The following FRK variants were observed in gnomAD, a reference collection of about 807,000 sequenced individuals.
FRK encodes the protein fyn related Src family tyrosine kinase, also known as tyrosine-protein kinase FRK.
Under a neutral mutation model 56.4 loss-of-function variants are expected in FRK, and 51 were observed. The ratio of observed to expected loss-of-function variants is 0.90; its 90% CI spans 0.72 to 1.14. The LOEUF (loss-of-function observed/expected upper bound fraction) is 1.14, where lower values mean the gene tolerates loss of function less well. FRK is among the 50% of genes most tolerant of loss of function. The probability of loss-of-function intolerance (pLI) is 0.00; values close to 1 mark genes in which losing one functional copy is unlikely to be tolerated. For synonymous variants in FRK, 245 were observed against 217.9 expected (o/e 1.12, Z -1.10); for missense variants, 570 against 601.4 (o/e 0.95, Z 0.55).
At chr6:116,063,147 T>TC (rs989798599), upstream of FRK, among the ~76,000 whole-genome samples, 17 of 152,304 alleles carry the variant, frequency 1.1e-4, no homozygotes, top group African/African-American at 3.8e-4. Flanking sequence ...TGGAAAGCTT[T>TC]CTATGTGCCA....
chr6:116,075,189 T>G, the FRK span, among the ~76,000 whole-genome samples: 6 of 152,166 alleles, frequency 3.9e-5, no homozygotes, highest in African/African-American at 1.4e-4. Flanking sequence ...CATGAACAGA[T>G]TCTATGCTAG....
At chr6:116,025,439 T>C (rs1322805630) in intron 1 of FRK, among the ~76,000 whole-genome samples, 3 of 152,214 alleles carry the variant, frequency 2.0e-5, no homozygotes, top group Admixed American at 1.3e-4. Flanking sequence ...TTAAAATCTA[T>C]ATATGGAATC....
At chr6:115,970,516 A>G (rs997911351) in intron 2 of FRK, among the ~76,000 whole-genome samples, 1 of 152,362 alleles carries the variant, frequency 6.6e-6, no homozygotes, top group Non-Finnish European at 1.5e-5. Context: ...CATCTAGTGG[A>G]ATGCAAATTT....
At chr6:116,092,866 G>C in the FRK span, among the ~76,000 whole-genome samples, 51 of 152,266 alleles carry the variant, frequency 3.3e-4, no homozygotes, top group African/African-American at 1.2e-3. Flanking sequence ...TCCTTGAAAT[G>C]CATCCTAAGC....
At chr6:115,984,023 A>C (rs1739692817) in intron 2 of FRK, among the ~76,000 whole-genome samples, 1 of 152,156 alleles carries the variant, frequency 6.6e-6, no homozygotes, top group African/African-American at 2.4e-5. Context: ...CTGTTAAGGT[A>C]GAATATCATT....
chr6:115,949,289 T>C (rs1772606388), intron 5 of FRK, among the ~76,000 whole-genome samples: 1 of 152,192 alleles, frequency 6.6e-6, no homozygotes, highest in Non-Finnish European at 1.5e-5. Context: ...TTCTCTTGCC[T>C]GATTGTCCTG....
chr6:116,036,582 C>G (rs1304534877), intron 1 of FRK, among the ~76,000 whole-genome samples: 1 of 152,008 alleles, frequency 6.6e-6, no homozygotes, highest in Non-Finnish European at 1.5e-5. Context: ...AATGGTAAAA[C>G]AAAATCCTTT....
chr6:115,971,002 T>C (rs1299984428), intron 2 of FRK, among the ~76,000 whole-genome samples: 1 of 152,184 alleles, frequency 6.6e-6, no homozygotes, highest in African/African-American at 2.4e-5. Flanking sequence ...AACCTTATTC[T>C]GTTTCTTAAC....
At chr6:115,945,070 T>C (rs1225239514) in intron 5 of FRK, among the ~76,000 whole-genome samples, 2 of 152,228 alleles carry the variant, frequency 1.3e-5, no homozygotes, top group Non-Finnish European at 2.9e-5. Context: ...TGCATAGTAT[T>C]CCATGGTGTA....
Position 115,943,078 on chromosome 6 carries a change from T to C in FRK, c.1248A>G (p.Val416=). 1.2e-6 allele frequency: 2 copies of C among 1,613,476 alleles called. No individual in the cohort carries two copies. The highest frequency in any genetic ancestry group is 8.5e-7 in the Non-Finnish European group (1 of 1,179,680). The change falls in exon 7 of 8, where the codon GTA becomes GTG. Residue 416 remains valine (V), a synonymous_variant. Coordinates refer to ENST00000606080, the MANE Select transcript of FRK (RefSeq NM_002031.3). ...CATAAAGAAGGATTCCAAATGACCA[T>C]ACATCGGACTTAATGCTGAATTTAT... ...RSNKFSIKSD[V]WSFGILLYEI...
Position 116,060,264 on chromosome 6 carries a change from G to T in FRK, c.48C>A (p.Leu16=). 1 of 1,614,142 alleles carries T rather than the reference G, an allele frequency of 6.2e-7. No homozygotes were observed. The highest frequency in any genetic ancestry group is 8.5e-7 in the Non-Finnish European group (1 of 1,180,014). Residue 16 remains leucine, a synonymous_variant, in exon 1 of 8, where the codon CTC becomes CTA. Coordinates refer to ENST00000606080, the MANE Select transcript of FRK (RefSeq NM_002031.3). The stretch of plus-strand genomic sequence containing the variant: ...TGTCTGCCTCCGTGGACAAACAGGG[G>T]AGATAGGGTTCTAGGTACTCCCAGA... The part of the protein sequence containing the change: ...QRLWEYLEPY[L]PCLSTEADKS...
intron 5 of FRK, among the ~76,000 whole-genome samples, chr6:115,954,040 TA>T (rs1199754574): frequency 1.3e-5 from 2 of 152,188 alleles, no homozygotes; most frequent in Admixed American, 6.5e-5. Flanking sequence ...GATTAAATTT[TA>T]AAATTCAGAG....
At chr6:115,957,563 A>T (rs1255724563) in intron 4 of FRK, among the ~76,000 whole-genome samples, 3 of 152,240 alleles carry the variant, frequency 2.0e-5, no homozygotes, top group African/African-American at 7.2e-5. Flanking sequence ...CATCCTCTCG[A>T]TGTTGAAGAC....
chr6:116,061,829 G>A (rs1405047898), upstream of FRK, among the ~76,000 whole-genome samples: 1 of 151,890 alleles, frequency 6.6e-6, no homozygotes, highest in Non-Finnish European at 1.5e-5. Flanking sequence ...TAAATGTTGT[G>A]AGACCCTTGA....
chr6:116,035,404 C>A (rs1488162246), intron 1 of FRK, among the ~76,000 whole-genome samples: 1 of 151,944 alleles, frequency 6.6e-6, no homozygotes, highest in Non-Finnish European at 1.5e-5. Context: ...AAGGATCATC[C>A]ACATTATAAC....
At chr6:116,062,627 G>A (rs1777665101), upstream of FRK, among the ~76,000 whole-genome samples, 1 of 152,132 alleles carries the variant, frequency 6.6e-6, no homozygotes, top group South Asian at 2.1e-4. Flanking sequence ...AAAAGACAAA[G>A]CAGCAGACCT....
intron 1 of FRK, among the ~76,000 whole-genome samples, chr6:116,004,526 C>A (rs1775181867): frequency 6.6e-6 from 1 of 152,010 alleles, no homozygotes; most frequent in Non-Finnish European, 1.5e-5. Context: ...TCCAACCCTG[C>A]CATAAGATGA....
intron 5 of FRK, among the ~76,000 whole-genome samples, chr6:115,955,740 A>C (rs1204045829): frequency 1.3e-5 from 2 of 152,134 alleles, no homozygotes; most frequent in Admixed American, 1.3e-4. Flanking sequence ...CATTTCAAGA[A>C]ATTATGGAAG....
the FRK span, among the ~76,000 whole-genome samples, chr6:116,077,322 G>A: frequency 6.6e-6 from 1 of 152,160 alleles, no homozygotes; most frequent in Non-Finnish European, 1.5e-5. Flanking sequence ...ATTTCACATA[G>A]GGCTTAGCTG....
Sources: gnomAD v4.1 joint callset for allele counts (sites outside exome capture counted in the v4.1 genomes callset) on GRCh38, gnomAD v4.1.1 for gene constraint, MANE v1.5 for transcripts, NCBI Gene and HGNC (gene_info 2026-07-23, HGNC 2026-07-21) for gene names.